The following NPAT variants were observed in gnomAD, a reference collection of about 807,000 sequenced individuals.
NPAT encodes nuclear protein, coactivator of histone transcription.
Under a neutral mutation model 130.7 loss-of-function variants are expected in NPAT, and 52 were observed. The observed-to-expected ratio is 0.40, with a 90% CI of 0.32 to 0.50. The LOEUF is 0.50. NPAT is among the 20% of genes least tolerant of loss of function. NPAT has a pLI of 0.68. For synonymous variants in NPAT, 580 were observed against 584.8 expected, an observed-to-expected ratio of 0.99 and a Z score of 0.12; for missense variants, 1,687 against 1,662.6, an observed-to-expected ratio of 1.01 and a Z score of -0.26.
intron 1 of NPAT, among the ~76,000 whole-genome samples, chr11:108,200,038 T>G (rs773202619): frequency 9.2e-5 from 14 of 152,220 alleles, no homozygotes; most frequent in Non-Finnish European, 1.6e-4. Context: ...TTGTCTGTTC[T>G]TAGAAGCAAG....
intron 1 of NPAT, among the ~76,000 whole-genome samples, chr11:108,207,710 G>T (rs2078342651): frequency 6.6e-6 from 1 of 152,214 alleles, no homozygotes; most frequent in Non-Finnish European, 1.5e-5. Flanking sequence ...TTCCAAGCCT[G>T]CAGGGAAAGG....
At chr11:108,176,397 ATAAT>A in intron 11 of NPAT, 23 bp from the exon 12 acceptor site, 1 of 1,478,056 alleles carries the variant, frequency 6.8e-7, no homozygotes, top group Non-Finnish European at 9.4e-7. Context: ...GAATATGGAA[ATAAT>A]TAAATGACCA....
intron 7 of NPAT, among the ~76,000 whole-genome samples, chr11:108,187,508 G>T (rs1191040055): frequency 5.9e-5 from 9 of 152,150 alleles, no homozygotes; most frequent in African/African-American, 2.2e-4. Flanking sequence ...AGTGAGAAAG[G>T]CTCCAATAAA....
chr11:108,186,596 T>C, intron 7 of NPAT, 27 bp from the exon 8 acceptor site: 1 of 1,550,284 alleles, frequency 6.5e-7, no homozygotes, highest in Non-Finnish European at 8.9e-7. Flanking sequence ...AAGCTTTTCT[T>C]TTAACCACTA....
intron 11 of NPAT, among the ~76,000 whole-genome samples, chr11:108,176,724 T>C (rs1176409955): frequency 6.6e-6 from 1 of 152,208 alleles, no homozygotes; most frequent in Admixed American, 6.5e-5. Context: ...TTTAACACAT[T>C]TGTATAGTGG....
chr11:108,216,292 A>G (rs908320229), intron 1 of NPAT, among the ~76,000 whole-genome samples: 1 of 152,128 alleles, frequency 6.6e-6, no homozygotes, highest in African/African-American at 2.4e-5. Flanking sequence ...TTTGCAGTAG[A>G]TTTTTATCTA....
At chr11:108,179,840 C>A (rs2078043230) in intron 10 of NPAT, among the ~76,000 whole-genome samples, 1 of 151,998 alleles carries the variant, frequency 6.6e-6, no homozygotes, top group Admixed American at 6.6e-5. Context: ...GGAAAAGCTT[C>A]ATGAGGTTAA....
At chr11:108,211,998 A>C (rs896944739) in intron 1 of NPAT, among the ~76,000 whole-genome samples, 2 of 152,140 alleles carry the variant, frequency 1.3e-5, no homozygotes, top group Admixed American at 6.5e-5. Context: ...ACCAAAAAAA[A>C]CAAAATCCAA....
At chr11:108,159,164 G>C (rs1038976428) in intron 17 of NPAT, 145 bp from the exon 18 acceptor site, 7 of 597,352 alleles carry the variant, frequency 1.2e-5, no homozygotes, top group African/African-American at 1.1e-4. Flanking sequence ...TACTTCTATA[G>C]AGAAGTAGAG....
At chr11:108,199,304 T>C (rs2078252837) in intron 1 of NPAT, among the ~76,000 whole-genome samples, 1 of 152,134 alleles carries the variant, frequency 6.6e-6, no homozygotes, top group Non-Finnish European at 1.5e-5. Context: ...CTGGACCAGC[T>C]GCGGGGCTTA....
chr11:108,204,312 C>T (rs916150453), intron 1 of NPAT, among the ~76,000 whole-genome samples: 2 of 152,124 alleles, frequency 1.3e-5, no homozygotes, highest in South Asian at 2.1e-4. Flanking sequence ...ATCCAATGCC[C>T]GCCCACAGAC....
In NPAT at chr11:108,160,572, T is replaced by C. The variant is rs559842836; in HGVS notation, c.4206+308A>G. The stretch of plus-strand genomic sequence containing the variant: ...AGAAAGAAAGAAAAACTTTTTCTTT[T>C]CCCCCGGAAAGATGTTTATAAACAA... On this transcript the variant is annotated intron_variant, in intron 17 of 17. Transcript: ENST00000278612. 6.1e-3 allele frequency among the ~76,000 whole-genome samples: 922 copies of C among 152,112 alleles called. 11 individuals carry two copies. Among genetic ancestry groups the C allele is most frequent in the African/African-American group, 0.021 (862 of 41,512 alleles).
At position 108,172,772 on chromosome 11, in the gene NPAT, C is replaced by T. The variant is rs376339017; in HGVS notation, c.2212G>A (p.Val738Ile). 176 of 1,613,408 alleles carry T rather than the reference C, an allele frequency of 1.1e-4. 1 individual carries two copies. The highest frequency in any genetic ancestry group is 3.3e-4 in the Middle Eastern group (2 of 6,084). The change falls in exon 13 of 18, where the codon GTC becomes ATC. Residue 738 changes from valine (V) to isoleucine (I), a missense_variant. Val to Ile is a conservative substitution (Grantham distance 29, BLOSUM62 3). Coordinates refer to ENST00000278612, the MANE Select transcript of NPAT (RefSeq NM_002519.3). ...TCACTAATGATAACTTTGAGAGAGA[C>T]GATATTTGATGCATCTATCTCTGCT... is the stretch of plus-strand genomic sequence containing the variant. ...NSAEIDASNIVSLKVIISDDP... is the reference protein window; with the variant it reads ...NSAEIDASNIISLKVIISDDP...
In NPAT at chr11:108,176,316, G is replaced by A. The variant is rs1212378356; in HGVS notation, c.1062C>T (p.Ser354=). ...SQSISSQPME[S]NPSIVLADET... ...CATCTGCTAAGACTATACTGGGATTGGATTCCATAGGTTGACTGGAAATAC... is the reference window on the plus strand; with the variant it reads ...CATCTGCTAAGACTATACTGGGATTAGATTCCATAGGTTGACTGGAAATAC... Residue 354 remains serine (S), a synonymous_variant, in exon 12 of 18, where the codon TCC becomes TCT. Transcript: ENST00000278612. 5 of 1,568,176 alleles carry A rather than the reference G, an allele frequency of 3.2e-6. No individual in the cohort carries two copies. Among genetic ancestry groups the A allele is most frequent in the Non-Finnish European group, 4.4e-6 (5 of 1,138,708 alleles).
At position 108,201,191 on chromosome 11, in the gene NPAT, AG is replaced by A. The variant is rs544425888; in HGVS notation, c.38-3772del. 2.6e-5 allele frequency among the ~76,000 whole-genome samples: 4 copies of A among 152,326 alleles called. No individual in the cohort carries two copies. The South Asian group carries it at 8.3e-4, about 32-fold the overall frequency. ...AGACTTCAGTGAAGTACCTAGGTCT[AG>A]TCTTGTCAGAGGGGACCAGGGAACT... On this transcript the variant is annotated intron_variant, in intron 1 of 17. Coordinates refer to ENST00000278612, the MANE Select transcript of NPAT (RefSeq NM_002519.3).
chr11:108,197,569 C>G (rs541480020), intron 1 of NPAT, 149 bp from the exon 2 acceptor site: 3 of 679,176 alleles, frequency 4.4e-6, no homozygotes, highest in South Asian at 3.4e-5. Context: ...ACAGAAACAC[C>G]AGGTTGTGCT....
intron 1 of NPAT, among the ~76,000 whole-genome samples, chr11:108,215,159 G>A (rs981342107): frequency 6.6e-6 from 1 of 152,106 alleles, no homozygotes; most frequent in Non-Finnish European, 1.5e-5. Context: ...TCACAGTTTA[G>A]TATAATTACT....
intron 15 of NPAT, among the ~76,000 whole-genome samples, chr11:108,164,705 A>G (rs1745693260): frequency 6.6e-6 from 1 of 152,122 alleles, no homozygotes; most frequent in African/African-American, 2.4e-5. Context: ...AAGTAAAAAT[A>G]AGTCTTAGTA....
At chr11:108,217,839 A>C (rs886964287) in intron 1 of NPAT, among the ~76,000 whole-genome samples, 1 of 152,082 alleles carries the variant, frequency 6.6e-6, no homozygotes, top group Non-Finnish European at 1.5e-5. Context: ...CTAAAAATAC[A>C]AAAATTAGCC....
Sources: allele counts gnomAD v4.1 joint callset (sites outside exome capture counted in the v4.1 genomes callset), GRCh38; gene constraint gnomAD v4.1.1; transcripts MANE v1.5; gene names NCBI Gene and HGNC (gene_info 2026-07-23, HGNC 2026-07-21).